Variants in ADAM22 observed in about 807,000 individuals in gnomAD.
ADAM22 encodes disintegrin and metalloproteinase domain-containing protein 22.
A neutral mutation model predicts 144.6 loss-of-function variants in ADAM22; 65 were observed. The ratio of observed to expected loss-of-function variants is 0.45; its 90% confidence interval spans 0.37 to 0.55. The LOEUF is 0.55. Ranked by LOEUF, ADAM22 falls within the 20% of genes least tolerant of loss-of-function variation. The pLI, the probability that ADAM22 is intolerant of heterozygous loss-of-function variation, is 0.00. For synonymous variants in ADAM22, 391 were observed against 412.6 expected (o/e 0.95, Z 0.63); for missense variants, 974 against 1,184.9 (o/e 0.82, Z 2.61).
intron 3 of ADAM22, among the ~76,000 whole-genome samples, chr7:87,980,759 G>A (rs1853183089): frequency 6.6e-6 from 1 of 152,104 alleles, no homozygotes; most frequent in African/African-American, 2.4e-5. Flanking sequence ...AATATGGAAA[G>A]GTTAAAAATG....
chr7:88,191,751 A>G (rs2129540770), intron 30 of ADAM22, among the ~76,000 whole-genome samples: 1 of 152,368 alleles, frequency 6.6e-6, no homozygotes, highest in South Asian at 2.1e-4. Context: ...GAAATCAAAC[A>G]GCTGCTGTGT....
intron 21 of ADAM22, among the ~76,000 whole-genome samples, chr7:88,154,328 T>G (rs932519194): frequency 2.6e-5 from 4 of 152,172 alleles, no homozygotes; most frequent in Non-Finnish European, 5.9e-5. Flanking sequence ...TTCATTTATA[T>G]TCTTCCAAAT....
chr7:88,053,583 GGAAGGAAGGAAA>G (rs1807163338), intron 3 of ADAM22, among the ~76,000 whole-genome samples: 1 of 117,052 alleles, frequency 8.5e-6, no homozygotes, highest in Non-Finnish European at 1.7e-5. Context: ...AGGAAAGGAA[GGAAGGAAGGAAA>G]GAAAGAAAGA....
At chr7:87,975,011 C>A (rs138812151) in intron 2 of ADAM22, among the ~76,000 whole-genome samples, 1 of 152,124 alleles carries the variant, frequency 6.6e-6, no homozygotes, top group African/African-American at 2.4e-5. Flanking sequence ...ATAATCTCCC[C>A]AAGTCAAGGT....
At chr7:88,039,464 A>AAAT in intron 3 of ADAM22, among the ~76,000 whole-genome samples, 9 of 76,378 alleles carry the variant, frequency 1.2e-4, no homozygotes, top group African/African-American at 3.3e-4. Flanking sequence ...AAAAAAAAAA[A>AAAT]ATATATATAT....
intron 2 of ADAM22, among the ~76,000 whole-genome samples, chr7:87,954,502 T>G (rs1237179939): frequency 6.6e-6 from 1 of 152,244 alleles, no homozygotes; most frequent in Non-Finnish European, 1.5e-5. Context: ...GAGTTTCTGC[T>G]GAGAGATCTG....
At chr7:88,013,844 G>A (rs983571720) in intron 3 of ADAM22, among the ~76,000 whole-genome samples, 1 of 152,202 alleles carries the variant, frequency 6.6e-6, no homozygotes, top group Non-Finnish European at 1.5e-5. Context: ...AGAGTGTAAG[G>A]TTGATGATGA....
intron 3 of ADAM22, among the ~76,000 whole-genome samples, chr7:88,022,008 G>T (rs1797942179): frequency 6.6e-6 from 1 of 151,834 alleles, no homozygotes; most frequent in Admixed American, 6.6e-5. Flanking sequence ...GAATGTTGAG[G>T]ACTACAGACA....
intron 5 of ADAM22, among the ~76,000 whole-genome samples, chr7:88,109,708 G>T (rs1396027182): frequency 1.3e-5 from 2 of 149,012 alleles, no homozygotes; most frequent in Non-Finnish European, 3.0e-5. Context: ...AGGTATATTT[G>T]CTTTTTTTTT....
intron 3 of ADAM22, among the ~76,000 whole-genome samples, chr7:88,031,072 C>T (rs915535559): frequency 4.6e-5 from 7 of 152,104 alleles, no homozygotes; most frequent in East Asian, 1.9e-4. Flanking sequence ...ACCAAGATCG[C>T]GCCACTGCAC....
intron 3 of ADAM22, among the ~76,000 whole-genome samples, chr7:88,071,048 T>C (rs1010064295): frequency 6.6e-6 from 1 of 152,188 alleles, no homozygotes; most frequent in Non-Finnish European, 1.5e-5. Flanking sequence ...GTTCTATTTC[T>C]TGGAGTCAGA....
chr7:88,078,092 C>T (rs989767875), intron 4 of ADAM22, among the ~76,000 whole-genome samples: 1 of 152,220 alleles, frequency 6.6e-6, no homozygotes, highest in African/African-American at 2.4e-5. Flanking sequence ...GAGGCACCCC[C>T]CAGTAGGGTC....
At chr7:87,986,168 T>C (rs948704284) in intron 3 of ADAM22, among the ~76,000 whole-genome samples, 2 of 152,218 alleles carry the variant, frequency 1.3e-5, no homozygotes, top group Non-Finnish European at 2.9e-5. Flanking sequence ...AGGAACTTTA[T>C]ATAGACCTTA....
At chr7:88,058,812 A>G (rs1205226336) in intron 3 of ADAM22, among the ~76,000 whole-genome samples, 1 of 152,208 alleles carries the variant, frequency 6.6e-6, no homozygotes, top group African/African-American at 2.4e-5. Flanking sequence ...CAGAAAAAGA[A>G]TTTTAATCAA....
intron 25 of ADAM22, 39 bp downstream of exon 25, chr7:88,168,266 AC>A: frequency 6.4e-7 from 1 of 1,554,246 alleles, no homozygotes; most frequent in Non-Finnish European, 8.9e-7. Flanking sequence ...ATTGAAATAT[AC>A]TTCTAAACAT....
At chr7:88,171,449 G>A (rs749841550) in intron 25 of ADAM22, 95 bp from the exon 26 acceptor site, 1 of 1,144,124 alleles carries the variant, frequency 8.7e-7, no homozygotes, top group Non-Finnish European at 1.2e-6. Context: ...TTCAATGAAA[G>A]CTAGAGCTTT....
intron 30 of ADAM22, among the ~76,000 whole-genome samples, chr7:88,190,073 C>A (rs750565573): frequency 8.5e-5 from 13 of 152,308 alleles, no homozygotes; most frequent in Middle Eastern, 3.4e-3. Context: ...TTTAGCCTGT[C>A]CTTGGGTGCA....
chr7:88,041,113 T>A (rs1192809671), intron 3 of ADAM22, among the ~76,000 whole-genome samples: 1 of 151,990 alleles, frequency 6.6e-6, no homozygotes, highest in Non-Finnish European at 1.5e-5. Context: ...TAACACAAAG[T>A]CAGCTGATAA....
chr7:88,126,099 C>T (rs1239469310), intron 8 of ADAM22, among the ~76,000 whole-genome samples: 2 of 151,966 alleles, frequency 1.3e-5, no homozygotes, highest in Non-Finnish European at 2.9e-5. Context: ...CTTTGGAGTC[C>T]AGGATATAAA....
Sources: gnomAD v4.1 joint callset for allele counts (sites outside exome capture counted in the v4.1 genomes callset) on GRCh38, gnomAD v4.1.1 for gene constraint, MANE v1.5 for transcripts, NCBI Gene and HGNC (gene_info 2026-07-23, HGNC 2026-07-21) for gene names.